ADGRD1: variants seen among roughly 807,000 people sequenced by gnomAD.
The protein encoded by ADGRD1 is adhesion G protein-coupled receptor D1.
A neutral mutation model predicts 113.4 loss-of-function variants in ADGRD1; 77 were observed. The ratio of observed to expected loss-of-function variants is 0.68; its 90% CI spans 0.57 to 0.82. The LOEUF is 0.82. Among genes scored for constraint, ADGRD1 ranks in the 40% least tolerant of loss-of-function variants. ADGRD1 has a pLI of 0.00. For missense variants in ADGRD1, 1,036 were observed against 1,139.1 expected, an observed-to-expected ratio of 0.91 and a Z score of 1.30; for synonymous variants, 474 against 475.0, an observed-to-expected ratio of 1.00 and a Z score of 0.03.
chr12:131,011,263 TCTTGA>T (rs889716818), intron 12 of ADGRD1, among the ~76,000 whole-genome samples: 2 of 150,506 alleles, frequency 1.3e-5, no homozygotes, highest in African/African-American at 4.9e-5. Flanking sequence ...CCCATTCTCA[TCTTGA>T]CTTGGCCGAC....
chr12:131,057,608 C>T lies in ADGRD1; in HGVS notation c.1474-19193C>T, dbSNP rs534649972. Among the ~76,000 whole-genome samples the T allele has an allele frequency of 1.3e-5, 2 of 152,206 alleles. No homozygotes were observed. Among genetic ancestry groups the T allele is most frequent in the Non-Finnish European group, 2.9e-5 (2 of 68,044 alleles). On this transcript the variant is annotated intron_variant, in intron 13 of 24. Coordinates refer to ENST00000261654, the MANE Select transcript of ADGRD1 (RefSeq NM_198827.5). This position sits in a 1 kb window ranked among gnomAD's most constrained non-coding sequence, Gnocchi z 4.2. ...CTGCCCCGTCTCCCCACGGCCTCCT[C>T]TTCCGTGTGTCATTGTCCTTTCCCG...
chr12:130,964,982 C>T (rs925901804), intron 2 of ADGRD1, among the ~76,000 whole-genome samples: 1 of 152,180 alleles, frequency 6.6e-6, no homozygotes, highest in African/African-American at 2.4e-5. Context: ...TTCTAATACT[C>T]ATAGATTAAA....
chr12:130,994,233 C>T (rs999010030), intron 8 of ADGRD1: 51 of 452,368 alleles, frequency 1.1e-4, no homozygotes, highest in Non-Finnish European at 1.8e-4. Flanking sequence ...TGCACAGGAC[C>T]GGGCGTGAGG....
intron 12 of ADGRD1, among the ~76,000 whole-genome samples, chr12:131,009,634 G>A (rs1815200157): frequency 6.6e-6 from 1 of 152,234 alleles, no homozygotes; most frequent in South Asian, 2.1e-4. Flanking sequence ...ATGTGCATGT[G>A]TGCGTGTATT....
chr12:130,969,418 C>A, intron 3 of ADGRD1: 2 of 214,116 alleles, frequency 9.3e-6, no homozygotes, highest in South Asian at 7.7e-5. Flanking sequence ...CACATTACCG[C>A]CCGAGCTCCA....
intron 13 of ADGRD1, among the ~76,000 whole-genome samples, chr12:131,046,366 C>T (rs1466618619): frequency 8.5e-6 from 1 of 117,974 alleles, no homozygotes. Context: ...CCTCCCTGGT[C>T]AGTGCTCCTC....
At chr12:131,094,943 C>G (rs1016213375) in intron 15 of ADGRD1, among the ~76,000 whole-genome samples, 3 of 152,156 alleles carry the variant, frequency 2.0e-5, no homozygotes, top group African/African-American at 7.2e-5. Flanking sequence ...CCTTCCACCC[C>G]CTCCCGTCTC....
At chr12:130,975,614 A>G (rs1470771352) in intron 4 of ADGRD1, among the ~76,000 whole-genome samples, 3 of 152,240 alleles carry the variant, frequency 2.0e-5, no homozygotes, top group Non-Finnish European at 4.4e-5. Flanking sequence ...AACTGATTGC[A>G]TAAAATCCAA....
intron 13 of ADGRD1, among the ~76,000 whole-genome samples, chr12:131,047,510 C>T (rs1196775706): frequency 2.0e-5 from 3 of 152,182 alleles, no homozygotes; most frequent in Admixed American, 2.0e-4. Context: ...AGAGTCAGGT[C>T]AGCAGCCTGG....
intron 13 of ADGRD1, among the ~76,000 whole-genome samples, chr12:131,033,590 G>A (rs147402477): frequency 6.6e-6 from 1 of 152,332 alleles, no homozygotes; most frequent in Non-Finnish European, 1.5e-5. Context: ...CAGTGAAGAC[G>A]GGAGTGTGTG....
chr12:131,136,849 C>A, intron 22 of ADGRD1, 124 bp from the exon 23 acceptor site: 2 of 820,686 alleles, frequency 2.4e-6, no homozygotes, highest in South Asian at 1.4e-5. Flanking sequence ...GGCCCCAGGT[C>A]ATGGGACCTG....
At chr12:130,995,911 A>G (rs1356810415) in intron 8 of ADGRD1, among the ~76,000 whole-genome samples, 2 of 152,192 alleles carry the variant, frequency 1.3e-5, no homozygotes, top group Non-Finnish European at 2.9e-5. Flanking sequence ...TTTCCTAGGC[A>G]GAGGACCCTG....
intron 8 of ADGRD1, among the ~76,000 whole-genome samples, chr12:130,994,845 C>A (rs1875021846): frequency 6.6e-6 from 1 of 152,204 alleles, no homozygotes; most frequent in Admixed American, 6.5e-5. Flanking sequence ...CCCCTGCCCT[C>A]GTGGGGCTTG....
chr12:131,002,741 G>A (rs1345171440), intron 9 of ADGRD1: 1 of 1,257,210 alleles, frequency 8.0e-7, no homozygotes, highest in Non-Finnish European at 1.0e-6. Flanking sequence ...CACCTCGGAA[G>A]CAGCCACCCT....
At chr12:131,038,226 G>C (rs542263783) in intron 13 of ADGRD1, among the ~76,000 whole-genome samples, 1 of 152,358 alleles carries the variant, frequency 6.6e-6, no homozygotes, top group South Asian at 2.1e-4. Context: ...AGATGACCCA[G>C]CAGTCTGGAA....
chr12:131,086,677 G>A (rs780238035), intron 15 of ADGRD1, among the ~76,000 whole-genome samples: 10 of 152,202 alleles, frequency 6.6e-5, no homozygotes, highest in Non-Finnish European at 1.2e-4. Flanking sequence ...GGCGAAAGAC[G>A]CACGTGGCAC....
In ADGRD1 at chr12:131,113,171, C is replaced by T. The variant is rs1338220139; in HGVS notation, c.2041+4294C>T. Among the ~76,000 whole-genome samples, 6 of 152,212 alleles carry T rather than the reference C, an allele frequency of 3.9e-5. No homozygotes were observed. Among genetic ancestry groups the T allele is most frequent in the Non-Finnish European group, 8.8e-5 (6 of 68,036 alleles). ...AGTGCCACAGACTCAGTCTTCTTAA[C>T]AAGATTTAGTAGATTTTCTTGAGCC... is the stretch of plus-strand genomic sequence containing the variant. On this transcript the variant is annotated intron_variant, in intron 18 of 24. Coordinates refer to ENST00000261654, the MANE Select transcript of ADGRD1 (RefSeq NM_198827.5). This position sits in a 1 kb window ranked among gnomAD's most constrained non-coding sequence, Gnocchi z 4.9.
At chr12:131,016,048 C>T (rs1001549717) in intron 13 of ADGRD1, among the ~76,000 whole-genome samples, 3 of 152,202 alleles carry the variant, frequency 2.0e-5, no homozygotes, top group African/African-American at 4.8e-5. Flanking sequence ...TTGCTGGTGT[C>T]GTTCCCTGTG....
At position 131,113,870 on chromosome 12, in the gene ADGRD1, T is replaced by C. The variant is rs1404427774; in HGVS notation, c.2042-4515T>C. On this transcript the variant is annotated intron_variant, in intron 18 of 24. Coordinates refer to ENST00000261654, the MANE Select transcript of ADGRD1 (RefSeq NM_198827.5). This position sits in a 1 kb window ranked among gnomAD's most constrained non-coding sequence, Gnocchi z 4.9. ...CCCCAGAGAGGAGAGCTGCTCCTTC[T>C]GATGATATCTGACCTCATCAGGGAG... 6.6e-6 allele frequency among the ~76,000 whole-genome samples: 1 copy of C among 152,236 alleles called. No homozygotes were observed. The highest frequency in any genetic ancestry group is 2.4e-5 in the African/African-American group (1 of 41,462).
Sources: gnomAD v4.1 joint callset for allele counts (sites outside exome capture counted in the v4.1 genomes callset) on GRCh38, gnomAD v4.1.1 for gene constraint, Gnocchi (gnomAD v3.1) non-coding constraint, MANE v1.5 for transcripts, NCBI Gene and HGNC (gene_info 2026-07-23, HGNC 2026-07-21) for gene names.